HIPK3: variants seen among roughly 807,000 people sequenced by gnomAD.
HIPK3 encodes the protein homeodomain interacting protein kinase 3, also known as homeodomain-interacting protein kinase 3.
HIPK3 carries 47 observed loss-of-function variants against 124.2 expected under a neutral mutation model. That is an observed-to-expected ratio of 0.38 (90% CI 0.30 to 0.48). The LOEUF (loss-of-function observed/expected upper bound fraction) is 0.48, where lower values mean the gene tolerates loss of function less well. Ranked by LOEUF, HIPK3 falls within the 20% of genes least tolerant of loss-of-function variation. The probability of loss-of-function intolerance (pLI) is 0.98; values close to 1 mark genes in which losing one functional copy is unlikely to be tolerated. For missense variants in HIPK3, 1,286 were observed against 1,454.3 expected (o/e 0.88, Z 1.88); for synonymous variants, 482 against 515.2 (o/e 0.94, Z 0.87).
intron 1 of HIPK3, among the ~76,000 whole-genome samples, chr11:33,283,111 T>G (rs182136769): frequency 0.016 from 2,465 of 151,878 alleles, 73 homozygotes; most frequent in African/African-American, 0.057. Flanking sequence ...AACTCCAGAA[T>G]TTCTTTTTTT....
At chr11:33,293,932 C>T (rs1851768224) in intron 2 of HIPK3, among the ~76,000 whole-genome samples, 2 of 151,898 alleles carry the variant, frequency 1.3e-5, no homozygotes, top group Admixed American at 6.6e-5. Flanking sequence ...TTTGGGAGGC[C>T]GAGGCAGGTG....
rs114842075 is a variant in HIPK3 at position 33,349,635 on chromosome 11, G to A, written c.2807+348G>A. Among the ~76,000 whole-genome samples the A allele has an allele frequency of 9.6e-3, 1,462 of 152,222 alleles. 29 individuals are homozygous for A. The highest frequency in any genetic ancestry group is 0.033 in the African/African-American group (1,353 of 41,542). ...GGCTAATTTTTAAGTTTTTTTTGTA[G>A]AGATGGGATCTTGCCCTGTTGCACA... On this transcript the variant is annotated intron_variant, in intron 14 of 16. Transcript: ENST00000303296.
At chr11:33,314,212 G>C (rs369532671) in intron 2 of HIPK3, among the ~76,000 whole-genome samples, 5 of 152,194 alleles carry the variant, frequency 3.3e-5, no homozygotes, top group Admixed American at 6.5e-5. Context: ...GCATAGGTTT[G>C]TATAAGCCCC....
At chr11:33,257,296 C>G (rs1850689680), upstream of HIPK3, 1 of 983,110 alleles carries the variant, frequency 1.0e-6, no homozygotes, top group Admixed American at 6.2e-5. Context: ...GCTGGGCGCG[C>G]AGCGCTGCCG....
chr11:33,284,631 C>T (rs1851500023), intron 1 of HIPK3, among the ~76,000 whole-genome samples: 1 of 152,094 alleles, frequency 6.6e-6, no homozygotes, highest in Admixed American at 6.5e-5. Flanking sequence ...GCACTGCAGA[C>T]TAGGCGAGAC....
intron 4 of HIPK3, among the ~76,000 whole-genome samples, 157 bp from the exon 5 acceptor site, chr11:33,338,599 AT>A (rs372662681): frequency 0.048 from 7,064 of 146,454 alleles, 180 homozygotes; most frequent in Middle Eastern, 0.066. Flanking sequence ...AGCACTTCTC[AT>A]TTTTTTTTTG....
Position 33,347,651 on chromosome 11 carries a change from A to C in HIPK3, c.2042A>C (p.Gln681Pro). Reference sequence around the variant, plus strand: ...CAGACGTGGTCTGGTAGAACACAGCAGATGCTGGTGCCTGCCTGGCAACAG... The same window carrying C: ...CAGACGTGGTCTGGTAGAACACAGCCGATGCTGGTGCCTGCCTGGCAACAG... ...LSQTWSGRTQQMLVPAWQQVT... is the reference protein window; with the variant it reads ...LSQTWSGRTQPMLVPAWQQVT... The change falls in exon 10 of 17, where the codon CAG becomes CCG. Residue 681 changes from glutamine to proline, a missense_variant. By Grantham distance (76) the Gln-to-Pro change is moderately conservative. This residue lies in a region of HIPK3 where 810 missense variants were observed against 864.9 expected (regional missense o/e 0.94). Transcript: ENST00000303296. The C allele has an allele frequency of 6.2e-7, 1 of 1,614,138 alleles. No individual in the cohort carries two copies. The highest frequency in any genetic ancestry group is 1.3e-5 in the African/African-American group (1 of 75,052).
chr11:33,332,488 G>GATGA (rs1408518651), intron 3 of HIPK3, among the ~76,000 whole-genome samples: 1 of 152,168 alleles, frequency 6.6e-6, no homozygotes, highest in East Asian at 1.9e-4. Context: ...TGGTTGAATG[G>GATGA]ATGAATGGAT....
In HIPK3 at chr11:33,351,670, C is replaced by T. The variant is rs142589533; in HGVS notation, c.2870C>T (p.Ser957Phe). 454 of 1,614,086 alleles carry T rather than the reference C, an allele frequency of 2.8e-4. No homozygotes were observed. The highest frequency in any genetic ancestry group is 3.7e-4 in the Non-Finnish European group (432 of 1,180,030). ...DTVDGSPTSD[S>F]SGHDSPFAES... is the part of the protein sequence containing the mutation. ...GTGGATGGCTCTCCGACATCTGACT[C>T]TTCCGGGCATGACAGTCCATTTGCA... Residue 957 changes from serine (S) to phenylalanine (F), a missense_variant, in exon 15 of 17, where the codon TCT becomes TTT. By Grantham distance (155) the Ser-to-Phe change is radical. Coordinates refer to ENST00000303296, the MANE Select transcript of HIPK3 (RefSeq NM_005734.5).
intron 2 of HIPK3, among the ~76,000 whole-genome samples, chr11:33,317,694 C>G (rs1416900738): frequency 2.0e-5 from 3 of 152,150 alleles, no homozygotes; most frequent in African/African-American, 7.2e-5. Flanking sequence ...AGGTGTGTAT[C>G]CTTCTATTTG....
intron 2 of HIPK3, among the ~76,000 whole-genome samples, chr11:33,293,604 TACTA>T (rs1334640480): frequency 3.9e-5 from 6 of 152,184 alleles, no homozygotes; most frequent in Admixed American, 3.9e-4. Context: ...TATCAATACT[TACTA>T]CTTTTTATTA....
rs538416690 is a variant in HIPK3, at chr11:33,314,444, GGAGTTCAA to G, written c.1098-14062_1098-14055del. Among the ~76,000 whole-genome samples the G allele has an allele frequency of 1.1e-4, 17 of 152,264 alleles. No individual in the cohort carries two copies. In the South Asian group the frequency reaches 3.5e-3, roughly 32 times the overall value. ...TAGGCGGGTGGATCACTTGAGGTCA[GGAGTTCAA>G]GAGCAGCCTGGCCAATGTGGTAAAA... is the stretch of plus-strand genomic sequence containing the variant. On this transcript the variant is annotated intron_variant, in intron 2 of 16. Transcript: ENST00000303296.
chr11:33,289,460 G>A (rs1384290381), intron 2 of HIPK3, among the ~76,000 whole-genome samples: 1 of 151,776 alleles, frequency 6.6e-6, no homozygotes, highest in African/African-American at 2.4e-5. Flanking sequence ...AATAAAGTGT[G>A]TATTAGGAAT....
At chr11:33,330,727 C>CCA (rs1183197229) in intron 3 of HIPK3, among the ~76,000 whole-genome samples, 1 of 151,070 alleles carries the variant, frequency 6.6e-6, no homozygotes, top group Non-Finnish European at 1.5e-5. Context: ...TAATCTGGGA[C>CCA]TTTAAGCTCA....
chr11:33,330,636 A>G (rs1041978844), intron 3 of HIPK3, among the ~76,000 whole-genome samples: 22 of 152,106 alleles, frequency 1.4e-4, no homozygotes, highest in Admixed American at 5.9e-4. Context: ...CCACAGTTCA[A>G]TGTTTTAAAA....
At chr11:33,288,668 A>G (rs1228115043) in intron 2 of HIPK3, among the ~76,000 whole-genome samples, 1 of 152,236 alleles carries the variant, frequency 6.6e-6, no homozygotes, top group Non-Finnish European at 1.5e-5. Context: ...AGTGCAATAG[A>G]TAGTATGAGA....
chr11:33,297,386 G>C (rs1211586395), intron 2 of HIPK3, among the ~76,000 whole-genome samples: 1 of 152,140 alleles, frequency 6.6e-6, no homozygotes, highest in African/African-American at 2.4e-5. Context: ...GAGCCACCGC[G>C]CCCTGCTGGA....
chr11:33,351,108 C>G (rs937123524), intron 14 of HIPK3, among the ~76,000 whole-genome samples: 8 of 152,140 alleles, frequency 5.3e-5, no homozygotes, highest in African/African-American at 1.9e-4. Flanking sequence ...GGGGCTCTGT[C>G]TAGGCCTTCA....
chr11:33,329,253 TA>T (rs1421547631), intron 3 of HIPK3, among the ~76,000 whole-genome samples: 1 of 152,214 alleles, frequency 6.6e-6, no homozygotes, highest in Non-Finnish European at 1.5e-5. Context: ...ATACCAAGAT[TA>T]TTTTTTGGAG....
Sources: allele counts gnomAD v4.1 joint callset (sites outside exome capture counted in the v4.1 genomes callset), GRCh38; gene constraint gnomAD v4.1.1; regional missense constraint gnomAD v4.1.1; transcripts MANE v1.5; gene names NCBI Gene and HGNC (gene_info 2026-07-23, HGNC 2026-07-21).